Variants in VWA3B observed in about 807,000 individuals in gnomAD.
VWA3B encodes von Willebrand factor A domain-containing protein 3B.
A neutral mutation model predicts 158.3 loss-of-function variants in VWA3B; 138 were observed. The ratio of observed to expected loss-of-function variants is 0.87; its 90% confidence interval spans 0.76 to 1.00. VWA3B has a LOEUF of 1.00. Ranked by LOEUF, VWA3B falls within the 50% of genes least tolerant of loss-of-function variation. The pLI is 0.00. For synonymous variants in VWA3B, 596 were observed against 587.3 expected (o/e 1.01, Z -0.21); for missense variants, 1,555 against 1,565.1 (o/e 0.99, Z 0.11).
intron 21 of VWA3B, among the ~76,000 whole-genome samples, chr2:98,261,315 C>T (rs1231415092): frequency 6.6e-6 from 1 of 151,686 alleles, no homozygotes; most frequent in Admixed American, 6.6e-5. Context: ...GCTTCAACCT[C>T]TTTCATATAG....
intron 25 of VWA3B, among the ~76,000 whole-genome samples, chr2:98,301,799 C>T (rs577131967): frequency 2.4e-4 from 36 of 152,228 alleles, no homozygotes; most frequent in African/African-American, 7.7e-4. Context: ...TAGTTTTCCC[C>T]GGTCTGTTGC....
chr2:98,275,497 C>T (rs1478408483), intron 22 of VWA3B, among the ~76,000 whole-genome samples: 1 of 152,182 alleles, frequency 6.6e-6, no homozygotes, highest in African/African-American at 2.4e-5. Flanking sequence ...AGAAACTCAG[C>T]TTAGAAGGCC....
intron 2 of VWA3B, among the ~76,000 whole-genome samples, chr2:98,097,757 A>G (rs1389349715): frequency 6.6e-6 from 1 of 152,080 alleles, no homozygotes; most frequent in African/African-American, 2.4e-5. Context: ...AACCACATCC[A>G]TGGCAACATC....
intron 14 of VWA3B, 143 bp from the exon 15 acceptor site, chr2:98,228,059 T>C: frequency 1.2e-6 from 1 of 852,720 alleles, no homozygotes; most frequent in Non-Finnish European, 1.7e-6. Context: ...GAGGCCAAGA[T>C]GAGAGGATCA....
intron 6 of VWA3B, among the ~76,000 whole-genome samples, chr2:98,130,954 A>G (rs1675821659): frequency 6.6e-6 from 1 of 152,206 alleles, no homozygotes; most frequent in Admixed American, 6.5e-5. Flanking sequence ...TCTTCTGGCT[A>G]TTGTGAAATA....
At chr2:98,171,592 C>T (rs768452289) in intron 8 of VWA3B, among the ~76,000 whole-genome samples, 1 of 151,894 alleles carries the variant, frequency 6.6e-6, no homozygotes, top group Non-Finnish European at 1.5e-5. Flanking sequence ...CTGGAGGCCG[C>T]GGTACAGGGG....
intron 12 of VWA3B, among the ~76,000 whole-genome samples, chr2:98,203,043 G>A (rs9646964): frequency 0.31 from 46,624 of 152,028 alleles, 7,521 homozygotes; most frequent in African/African-American, 0.4. Flanking sequence ...ATGTTGGCCA[G>A]GATGTTCTCG....
chr2:98,230,378 G>A (rs917954598), intron 16 of VWA3B, among the ~76,000 whole-genome samples, 171 bp downstream of exon 16: 19 of 152,120 alleles, frequency 1.2e-4, no homozygotes, highest in African/African-American at 3.9e-4. Flanking sequence ...ATATACCTAC[G>A]CTTCATCCTG....
chr2:98,219,911 C>G (rs1396868190), intron 14 of VWA3B, among the ~76,000 whole-genome samples: 1 of 151,880 alleles, frequency 6.6e-6, no homozygotes, highest in Non-Finnish European at 1.5e-5. Flanking sequence ...ACCTGTAATC[C>G]TAGCACTTTG....
chr2:98,309,702 C>T (rs1362631996), intron 26 of VWA3B, among the ~76,000 whole-genome samples: 1 of 152,238 alleles, frequency 6.6e-6, no homozygotes, highest in African/African-American at 2.4e-5. Flanking sequence ...CTTCAAGATT[C>T]AGCTCTGCCT....
intron 14 of VWA3B, among the ~76,000 whole-genome samples, chr2:98,220,188 G>A (rs1344099970): frequency 1.9e-4 from 21 of 112,162 alleles, no homozygotes; most frequent in African/African-American, 6.1e-4. Context: ...AAAAAAAAAA[G>A]ATACGAAAAA....
At chr2:98,246,030 C>T (rs147092983) in intron 19 of VWA3B, among the ~76,000 whole-genome samples, 1 of 152,074 alleles carries the variant, frequency 6.6e-6, no homozygotes, top group Non-Finnish European at 1.5e-5. Flanking sequence ...AGTTTCTTAA[C>T]TTTCTTTCTC....
intron 22 of VWA3B, among the ~76,000 whole-genome samples, chr2:98,283,195 A>C (rs1235713944): frequency 1.3e-5 from 2 of 152,252 alleles, no homozygotes. Flanking sequence ...TTAAAAAGGA[A>C]CTTTAAATGT....
chr2:98,282,874 G>A (rs983610564), intron 22 of VWA3B, among the ~76,000 whole-genome samples: 3 of 152,224 alleles, frequency 2.0e-5, no homozygotes, highest in African/African-American at 7.2e-5. Context: ...GTCATTTGCA[G>A]TGCTAAGAAT....
At chr2:98,201,752 T>C (rs1227038873) in intron 12 of VWA3B, among the ~76,000 whole-genome samples, 1 of 152,200 alleles carries the variant, frequency 6.6e-6, no homozygotes, top group Non-Finnish European at 1.5e-5. Context: ...GAGCTTTTGA[T>C]TTTGATGAAG....
chr2:98,279,792 T>C (rs1404662938), intron 22 of VWA3B, among the ~76,000 whole-genome samples: 1 of 151,932 alleles, frequency 6.6e-6, no homozygotes, highest in East Asian at 1.9e-4. Flanking sequence ...GGCGCGTGCC[T>C]CAAGACAGCA....
intron 8 of VWA3B, among the ~76,000 whole-genome samples, chr2:98,175,993 A>T (rs1478077446): frequency 6.6e-6 from 1 of 152,144 alleles, no homozygotes; most frequent in Non-Finnish European, 1.5e-5. Context: ...AAAGGGCTTG[A>T]CTGCTCAGAG....
chr2:98,282,620 G>A (rs907605895), intron 22 of VWA3B, among the ~76,000 whole-genome samples: 1 of 151,766 alleles, frequency 6.6e-6, no homozygotes, highest in Non-Finnish European at 1.5e-5. Context: ...TGTTTTTTTA[G>A]TAGAGACAGG....
In VWA3B at chr2:98,161,647, C is replaced by A. The variant is rs1262157693; in HGVS notation, c.989-1204C>A. ...TCACAGGCAGTGGTAATAAGTGATACAGGGAGATGCCCATCTATTATTTAT... is the reference window on the plus strand; with the variant it reads ...TCACAGGCAGTGGTAATAAGTGATAAAGGGAGATGCCCATCTATTATTTAT... On this transcript the variant is annotated intron_variant, in intron 7 of 27. Coordinates refer to ENST00000477737, the MANE Select transcript of VWA3B (RefSeq NM_144992.5). Among the ~76,000 whole-genome samples the A allele has an allele frequency of 3.3e-5, 5 of 152,140 alleles. No homozygotes were observed. In the East Asian group the frequency reaches 9.6e-4, roughly 29 times the overall value.
Sources: gnomAD v4.1 joint callset for allele counts (sites outside exome capture counted in the v4.1 genomes callset) on GRCh38, gnomAD v4.1.1 for gene constraint, MANE v1.5 for transcripts, NCBI Gene and HGNC (gene_info 2026-07-23, HGNC 2026-07-21) for gene names.